Variants in COL4A3 observed in about 807,000 individuals in gnomAD.
COL4A3 encodes collagen type IV alpha 3 chain, also known as collagen alpha-3(IV) chain.
Under a neutral mutation model 217.4 loss-of-function variants are expected in COL4A3, and 135 were observed. That is an observed-to-expected ratio of 0.62 (90% CI 0.54 to 0.72). The LOEUF is 0.72. COL4A3 is among the 30% of genes least tolerant of loss of function. The pLI, the probability that COL4A3 is intolerant of heterozygous loss-of-function variation, is 0.00. For synonymous variants in COL4A3, 690 were observed against 736.3 expected (o/e 0.94, Z 1.02); for missense variants, 1,868 against 2,119.9 (o/e 0.88, Z 2.33).
rs760637313 is a variant in COL4A3, at chr2:227,240,230, A to C, written c.232A>C (p.Lys78Gln). The change falls in exon 3 of 52, where the codon AAG becomes CAG. Residue 78 changes from lysine (K) to glutamine (Q), a missense_variant and splice_region_variant. By Grantham distance (53) the Lys-to-Gln change is moderately conservative. Transcript: ENST00000396578. Reference protein sequence around the residue: ...PEGLPGPQGPKGFPGLPGLTG... With the variant: ...PEGLPGPQGPQGFPGLPGLTG... Reference sequence around the variant, plus strand: ...AGGCTTGCCTGGACCGCAGGGACCCAAGGTATGTCATCCTGCAAGCTTGGA... The same window carrying C: ...AGGCTTGCCTGGACCGCAGGGACCCCAGGTATGTCATCCTGCAAGCTTGGA... 91 of 1,608,474 alleles carry C rather than the reference A, an allele frequency of 5.7e-5. No homozygotes were observed. Among genetic ancestry groups the C allele is most frequent in the Non-Finnish European group, 7.3e-5 (86 of 1,177,618 alleles).
chr2:227,217,368 G>C (rs1282282721), intron 1 of COL4A3, among the ~76,000 whole-genome samples: 1 of 152,174 alleles, frequency 6.6e-6, no homozygotes, highest in Non-Finnish European at 1.5e-5. Flanking sequence ...TATCTACATG[G>C]ACTTGTACCA....
At chr2:227,249,224 A>ATTT (rs1320775871) in intron 9 of COL4A3, among the ~76,000 whole-genome samples, 28 of 24,194 alleles carry the variant, frequency 1.2e-3, no homozygotes, top group African/African-American at 3.8e-3. Flanking sequence ...ATATATATAT[A>ATTT]TATATATTTT....
intron 22 of COL4A3, 146 bp downstream of exon 22, chr2:227,266,655 T>C (rs1179671908): frequency 2.7e-6 from 2 of 729,590 alleles, no homozygotes; most frequent in African/African-American, 1.8e-5. Flanking sequence ...TATTCATTTA[T>C]CTGTAAATCA....
At chr2:227,246,157 G>GA in intron 6 of COL4A3, 141 bp downstream of exon 6, 1 of 722,014 alleles carries the variant, frequency 1.4e-6, no homozygotes, top group Non-Finnish European at 2.5e-6. Context: ...TTGGAGGCAG[G>GA]AAACTTCCCA....
At chr2:227,263,664 T>C in intron 20 of COL4A3, 116 bp from the exon 21 acceptor site, 1 of 1,045,464 alleles carries the variant, frequency 9.6e-7, no homozygotes, top group Non-Finnish European at 1.4e-6. Flanking sequence ...ATGTGTTATG[T>C]ACCTCTCCAT....
At chr2:227,238,730 A>G (rs916599697) in intron 2 of COL4A3, among the ~76,000 whole-genome samples, 22 of 151,238 alleles carry the variant, frequency 1.5e-4, no homozygotes, top group African/African-American at 4.8e-4. Context: ...TATCTAAACT[A>G]ATTTCTATAT....
At chr2:227,220,165 T>TG (rs58155070) in intron 1 of COL4A3, among the ~76,000 whole-genome samples, 6,085 of 147,246 alleles carry the variant, frequency 0.041, 387 homozygotes, top group African/African-American at 0.13. Context: ...TGTGTGTGTG[T>TG]TTCAGAGACA....
At chr2:227,309,375 T>G in intron 50 of COL4A3, 57 bp downstream of exon 50, 1 of 1,336,686 alleles carries the variant, frequency 7.5e-7, no homozygotes. Flanking sequence ...AATGTTACAT[T>G]GTGCTGGGTA....
At chr2:227,254,526 C>A in intron 14 of COL4A3, 130 bp from the exon 15 acceptor site, 1 of 792,416 alleles carries the variant, frequency 1.3e-6, no homozygotes, top group Non-Finnish European at 2.2e-6. Context: ...TAAGATTTCT[C>A]TCTTAGATGG....
Position 227,306,270 on chromosome 2 carries a change from T to G in COL4A3, c.4252+1187T>G, listed in dbSNP as rs569162569. 2.0e-5 allele frequency among the ~76,000 whole-genome samples: 3 copies of G among 152,318 alleles called. No homozygotes were observed. The East Asian group carries it at 5.8e-4, about 29-fold the overall frequency. ...CAATGCTATGGAGGCCTCACAAGAA[T>G]GACAAAGGGATCTAAGAGTCAAACT... is the stretch of plus-strand genomic sequence containing the variant. On this transcript the variant is annotated intron_variant, in intron 47 of 51. Coordinates refer to ENST00000396578, the MANE Select transcript of COL4A3 (RefSeq NM_000091.5).
chr2:227,227,825 G>T (rs1031365201), intron 1 of COL4A3: 1 of 152,100 alleles, frequency 6.6e-6, no homozygotes, highest in Non-Finnish European at 1.5e-5. Context: ...TCCTGATCAA[G>T]GGATCCCGTG....
intron 1 of COL4A3, chr2:227,227,951 A>G (rs2068188189): frequency 6.6e-6 from 1 of 152,228 alleles, no homozygotes; most frequent in Non-Finnish European, 1.5e-5. Flanking sequence ...GATTATAGGT[A>G]TACTTACCAT....
intron 1 of COL4A3, among the ~76,000 whole-genome samples, chr2:227,181,486 T>C (rs2065866406): frequency 6.6e-6 from 1 of 152,210 alleles, no homozygotes; most frequent in South Asian, 2.1e-4. Flanking sequence ...CTTTTTTCCC[T>C]AACTATACAT....
chr2:227,273,254 C>A, intron 26 of COL4A3, 137 bp downstream of exon 26: 1 of 962,118 alleles, frequency 1.0e-6, no homozygotes, highest in Non-Finnish European at 1.6e-6. Flanking sequence ...TCACAGATAC[C>A]AGGAAAGAAT....
chr2:227,252,943 A>C (rs2069871538), intron 11 of COL4A3, among the ~76,000 whole-genome samples: 1 of 152,176 alleles, frequency 6.6e-6, no homozygotes, highest in Non-Finnish European at 1.5e-5. Flanking sequence ...CTTATTTTTA[A>C]AACAAGAAAA....
intron 1 of COL4A3, among the ~76,000 whole-genome samples, chr2:227,234,695 C>T (rs1210044053): frequency 6.6e-6 from 1 of 152,148 alleles, no homozygotes; most frequent in Non-Finnish European, 1.5e-5. Context: ...TGCAGAGGCT[C>T]AATGGGAGTG....
chr2:227,177,959 G>T (rs2065740080), intron 1 of COL4A3, among the ~76,000 whole-genome samples: 1 of 152,190 alleles, frequency 6.6e-6, no homozygotes, highest in Non-Finnish European at 1.5e-5. Context: ...GCCATAAAGT[G>T]CATCCTTTAA....
chr2:227,275,769 C>T (rs2071519317), intron 26 of COL4A3, among the ~76,000 whole-genome samples: 1 of 152,066 alleles, frequency 6.6e-6, no homozygotes, highest in Non-Finnish European at 1.5e-5. Context: ...GTCAGCCTTG[C>T]CCATATCAAA....
In COL4A3 at chr2:227,253,777, G is replaced by A; in HGVS notation, c.765+139G>A. The A allele has an allele frequency of 1.2e-6, 1 of 805,826 alleles. No homozygotes were observed. 49.9% of individuals were successfully genotyped at this position (805,826 alleles called of 1,614,324 possible). On this transcript the variant is annotated intron_variant, in intron 13 of 51. Coordinates refer to ENST00000396578, the MANE Select transcript of COL4A3 (RefSeq NM_000091.5). The surrounding 1 kb of genome is among the most constrained non-coding windows in gnomAD (Gnocchi z 4.4). ...TCCCTCAGCCAGCCAGAACCTCCAG[G>A]ATTGATTCCTTCCCGTCCTTTACTC...
Sources: allele counts gnomAD v4.1 joint callset (sites outside exome capture counted in the v4.1 genomes callset), GRCh38; gene constraint gnomAD v4.1.1; non-coding constraint Gnocchi (gnomAD v3.1); transcripts MANE v1.5; gene names NCBI Gene and HGNC (gene_info 2026-07-23, HGNC 2026-07-21).